Variants in HBS1L observed in about 807,000 individuals in gnomAD.
HBS1L encodes HBS1-like protein.
HBS1L carries 55 observed loss-of-function variants against 88.9 expected under a neutral mutation model. That is an observed-to-expected ratio of 0.62 (90% CI 0.50 to 0.77). HBS1L has a LOEUF of 0.77. HBS1L is among the 30% of genes least tolerant of loss of function. HBS1L has a pLI of 0.00. For missense variants in HBS1L, 741 were observed against 829.3 expected, an observed-to-expected ratio of 0.89 and a Z score of 1.31; for synonymous variants, 267 against 288.5, an observed-to-expected ratio of 0.93 and a Z score of 0.76.
intron 4 of HBS1L, among the ~76,000 whole-genome samples, chr6:135,006,341 G>GA (rs1259391738): frequency 6.6e-6 from 1 of 152,172 alleles, no homozygotes; most frequent in African/African-American, 2.4e-5. Flanking sequence ...TCAAAGAACT[G>GA]AAAATCCAGT....
chr6:134,968,983 T>C (rs1459922993), intron 16 of HBS1L, among the ~76,000 whole-genome samples: 1 of 152,202 alleles, frequency 6.6e-6, no homozygotes, highest in East Asian at 1.9e-4. Flanking sequence ...TATAAGTTTA[T>C]ATTTACATTT....
chr6:134,973,572 T>G (rs1247384102), intron 15 of HBS1L, among the ~76,000 whole-genome samples: 1 of 152,124 alleles, frequency 6.6e-6, no homozygotes, highest in Non-Finnish European at 1.5e-5. Flanking sequence ...TCCCAGCACT[T>G]TGGGAGGCCA....
At chr6:134,991,360 T>TA (rs1464527868) in intron 8 of HBS1L, among the ~76,000 whole-genome samples, 1 of 152,224 alleles carries the variant, frequency 6.6e-6, no homozygotes. Flanking sequence ...TTCAACACAG[T>TA]ACTCAGTGTG....
chr6:135,016,961 T>C (rs1775939016), intron 4 of HBS1L, among the ~76,000 whole-genome samples: 1 of 152,342 alleles, frequency 6.6e-6, no homozygotes, highest in South Asian at 2.1e-4. Context: ...TGCTGACAAG[T>C]GTTCTCTCAT....
intron 2 of HBS1L, 104 bp downstream of exon 2, chr6:135,050,478 A>G (rs1302995701): frequency 1.6e-6 from 1 of 644,010 alleles, no homozygotes; most frequent in Non-Finnish European, 2.7e-6. Flanking sequence ...AACTTTTTAA[A>G]TGTTATATAT....
In HBS1L at chr6:134,969,353, T is replaced by C. The variant is rs1002293177; in HGVS notation, c.1798-15A>G. 6.6e-7 allele frequency: 1 copy of C among 1,510,248 alleles called. No individual in the cohort carries two copies. Among genetic ancestry groups the C allele is most frequent in the Non-Finnish European group, 9.2e-7 (1 of 1,085,734 alleles). 93.6% of individuals were successfully genotyped at this position (1,510,248 alleles called of 1,614,324 possible). On this transcript the variant is annotated splice_polypyrimidine_tract_variant and intron_variant, in intron 15 of 17. Transcript: ENST00000367837. ...TGTAACAGCACCTAAAACAAAAAATTATAACACTAAAAATCTGCTACCACA... is the reference window on the plus strand; with the variant it reads ...TGTAACAGCACCTAAAACAAAAAATCATAACACTAAAAATCTGCTACCACA...
chr6:135,006,720 AC>A (rs1775623716), intron 4 of HBS1L, among the ~76,000 whole-genome samples: 1 of 152,146 alleles, frequency 6.6e-6, no homozygotes, highest in African/African-American at 2.4e-5. Flanking sequence ...TCCTGAAGTT[AC>A]AGCAAAAGTG....
intron 4 of HBS1L, chr6:135,037,559 T>A (rs1776595050): frequency 2.6e-6 from 4 of 1,550,066 alleles, no homozygotes; most frequent in East Asian, 2.4e-5. Flanking sequence ...TTATTTTGAA[T>A]ATATAAAGAA....
chr6:134,977,564 C>T (rs897879508), intron 15 of HBS1L, among the ~76,000 whole-genome samples: 4 of 151,520 alleles, frequency 2.6e-5, no homozygotes, highest in Non-Finnish European at 4.4e-5. Flanking sequence ...CTAAATAGTA[C>T]CTTAAAATAT....
intron 2 of HBS1L, 111 bp from the exon 3 acceptor site, chr6:135,042,237 C>T (rs779941961): frequency 4.7e-5 from 44 of 933,122 alleles, no homozygotes; most frequent in Non-Finnish European, 5.7e-5. Flanking sequence ...CTATAGTTAC[C>T]CATATTTCAT....
intron 4 of HBS1L, among the ~76,000 whole-genome samples, chr6:135,028,618 G>A (rs4896128): frequency 0.31 from 47,671 of 151,902 alleles, 7,884 homozygotes; most frequent in Non-Finnish European, 0.37. Flanking sequence ...ACGAATGCAA[G>A]TAATTTTATG....
intron 16 of HBS1L, among the ~76,000 whole-genome samples, chr6:134,968,603 G>A (rs370668429): frequency 6.6e-6 from 1 of 151,902 alleles, no homozygotes; most frequent in South Asian, 2.1e-4. Flanking sequence ...TTTTATTTAC[G>A]TACTTAGTTT....
intron 4 of HBS1L, among the ~76,000 whole-genome samples, chr6:135,028,530 T>C (rs1776299738): frequency 1.3e-5 from 2 of 152,178 alleles, no homozygotes; most frequent in African/African-American, 4.8e-5. Context: ...TACTGAATTA[T>C]TTGAAGATGA....
chr6:135,006,910 GAAA>G (rs997488527), intron 4 of HBS1L, among the ~76,000 whole-genome samples: 1 of 149,800 alleles, frequency 6.7e-6, no homozygotes, highest in Non-Finnish European at 1.5e-5. Context: ...AAAAGAAGAG[GAAA>G]AAAAAACATA....
chr6:134,979,126 G>A, intron 14 of HBS1L, 52 bp downstream of exon 14: 2 of 1,296,452 alleles, frequency 1.5e-6, no homozygotes, highest in Non-Finnish European at 2.2e-6. Flanking sequence ...TGTGTTTAGA[G>A]GTGAGGTCCT....
At chr6:135,037,570 T>C (rs1176667472) in intron 4 of HBS1L, 5 of 1,549,650 alleles carry the variant, frequency 3.2e-6, no homozygotes, top group Admixed American at 3.9e-5. Flanking sequence ...ATATAAAGAA[T>C]TATTCGGTGT....
intron 4 of HBS1L, among the ~76,000 whole-genome samples, chr6:135,032,926 G>T (rs1776429520): frequency 6.6e-6 from 1 of 152,164 alleles, no homozygotes; most frequent in Non-Finnish European, 1.5e-5. Context: ...TGCCAGTTTA[G>T]TAACTAGGAA....
chr6:134,973,587 G>A (rs1163439046), intron 15 of HBS1L, among the ~76,000 whole-genome samples: 4 of 152,140 alleles, frequency 2.6e-5, no homozygotes, highest in East Asian at 1.9e-4. Flanking sequence ...AGGCCAAGGC[G>A]GGTGGATCAC....
intron 7 of HBS1L, among the ~76,000 whole-genome samples, chr6:134,994,971 T>A (rs1775250681): frequency 6.6e-6 from 1 of 152,110 alleles, no homozygotes; most frequent in African/African-American, 2.4e-5. Context: ...AACTATAGGT[T>A]TGCCCTAGCA....
Sources: allele counts gnomAD v4.1 joint callset (sites outside exome capture counted in the v4.1 genomes callset), GRCh38; gene constraint gnomAD v4.1.1; transcripts MANE v1.5; gene names NCBI Gene and HGNC (gene_info 2026-07-23, HGNC 2026-07-21).